CCSER1: variants seen among roughly 807,000 people sequenced by gnomAD.
CCSER1 encodes coiled-coil serine rich protein 1, also known as serine-rich coiled-coil domain-containing protein 1.
In CCSER1, 41 loss-of-function variants were observed where a neutral mutation model predicts 82.0. The observed-to-expected ratio is 0.50, with a 90% CI of 0.39 to 0.65. The LOEUF is 0.65. Ranked by LOEUF, CCSER1 falls within the 30% of genes least tolerant of loss-of-function variation. The pLI is 0.00. For synonymous variants in CCSER1, 414 were observed against 383.9 expected, an observed-to-expected ratio of 1.08 and a Z score of -0.92; for missense variants, 1,119 against 1,064.2, an observed-to-expected ratio of 1.05 and a Z score of -0.72.
intron 10 of CCSER1, among the ~76,000 whole-genome samples, chr4:91,100,609 C>T (rs1724964654): frequency 6.6e-6 from 1 of 152,098 alleles, no homozygotes; most frequent in Admixed American, 6.5e-5. Flanking sequence ...CTTTATTTAA[C>T]CTCAAATATT....
chr4:91,563,584 T>C (rs949952550), intron 10 of CCSER1, among the ~76,000 whole-genome samples: 1 of 151,918 alleles, frequency 6.6e-6, no homozygotes, highest in East Asian at 1.9e-4. Context: ...ATCCCACAGT[T>C]AACATAATAC....
chr4:90,310,678 C>T (rs1735136954), intron 2 of CCSER1, among the ~76,000 whole-genome samples: 1 of 152,046 alleles, frequency 6.6e-6, no homozygotes, highest in Non-Finnish European at 1.5e-5. Flanking sequence ...AATCATACAG[C>T]TGGTAAGTAG....
At chr4:90,248,320 G>C (rs1170126143) in intron 1 of CCSER1, among the ~76,000 whole-genome samples, 2 of 152,190 alleles carry the variant, frequency 1.3e-5, no homozygotes, top group African/African-American at 4.8e-5. Context: ...ATGATGAAAA[G>C]CTGGACATAA....
rs11726364 is a variant in CCSER1, at chr4:90,672,354, G to T, written c.1932+44122G>T. Among the ~76,000 whole-genome samples the T allele has an allele frequency of 6.3e-4, 95 of 151,862 alleles. 1 individual carries two copies. Among genetic ancestry groups the T allele is most frequent in the Non-Finnish European group, 1.2e-3 (80 of 67,850 alleles). On this transcript the variant is annotated intron_variant, in intron 6 of 10. Transcript: ENST00000509176. ...GCTTCACCTTTCACTTTTATGTTAT[G>T]GCTTCTTTCCTTAAACATCATGAAT... is the stretch of plus-strand genomic sequence containing the variant.
At chr4:90,935,218 G>A (rs1199491991) in intron 9 of CCSER1, among the ~76,000 whole-genome samples, 1 of 152,016 alleles carries the variant, frequency 6.6e-6, no homozygotes, top group Admixed American at 6.6e-5. Flanking sequence ...ATGGGAGAAT[G>A]GGGGGTGTTT....
At chr4:90,536,839 A>G (rs1775443368) in intron 5 of CCSER1, among the ~76,000 whole-genome samples, 1 of 152,212 alleles carries the variant, frequency 6.6e-6, no homozygotes, top group Non-Finnish European at 1.5e-5. Flanking sequence ...AATGAAACTC[A>G]TTTGAGGTAT....
At chr4:91,021,721 A>G (rs1308572289) in intron 9 of CCSER1, among the ~76,000 whole-genome samples, 3 of 152,184 alleles carry the variant, frequency 2.0e-5, no homozygotes, top group African/African-American at 7.2e-5. Flanking sequence ...ATGTACAGTA[A>G]ATTTCCTGTA....
intron 5 of CCSER1, 107 bp downstream of exon 5, chr4:90,468,461 A>G: frequency 9.9e-7 from 1 of 1,007,482 alleles, no homozygotes; most frequent in Non-Finnish European, 1.4e-6. Context: ...AGAAAGAAGA[A>G]ATAAATTTTA....
intron 9 of CCSER1, among the ~76,000 whole-genome samples, chr4:91,072,039 G>A (rs1721491810): frequency 6.6e-6 from 1 of 152,126 alleles, no homozygotes. Context: ...ACTCAGGTAT[G>A]AGCATCAGAC....
chr4:91,380,609 C>T (rs908693582), intron 10 of CCSER1, among the ~76,000 whole-genome samples: 2 of 152,146 alleles, frequency 1.3e-5, no homozygotes, highest in Non-Finnish European at 2.9e-5. Flanking sequence ...GTACATCTTC[C>T]TCCTTCCCTT....
chr4:90,393,772 CTT>C (rs997027362), intron 3 of CCSER1, among the ~76,000 whole-genome samples: 4 of 111,356 alleles, frequency 3.6e-5, no homozygotes, highest in Non-Finnish European at 5.3e-5. Context: ...TTATATCTTC[CTT>C]TTTTTTTTTT....
chr4:90,983,494 G>A (rs1736308084), intron 9 of CCSER1, among the ~76,000 whole-genome samples: 1 of 151,358 alleles, frequency 6.6e-6, no homozygotes, highest in African/African-American at 2.4e-5. Flanking sequence ...AATCTTTCGT[G>A]GACTCTCTCC....
intron 10 of CCSER1, among the ~76,000 whole-genome samples, chr4:91,452,525 T>C (rs771667364): frequency 6.6e-6 from 1 of 152,034 alleles, no homozygotes; most frequent in Non-Finnish European, 1.5e-5. Flanking sequence ...AATCTAAATG[T>C]ATGTCTTTGT....
intron 4 of CCSER1, among the ~76,000 whole-genome samples, chr4:90,442,169 G>C (rs1759981644): frequency 6.6e-6 from 1 of 151,936 alleles, no homozygotes; most frequent in Non-Finnish European, 1.5e-5. Context: ...ACAACGAGGG[G>C]GGTCATCATT....
chr4:90,967,524 C>T (rs965154983), intron 9 of CCSER1, among the ~76,000 whole-genome samples: 16 of 152,056 alleles, frequency 1.1e-4, no homozygotes, highest in Admixed American at 3.9e-4. Context: ...AGAAGTTGGA[C>T]ACCTACCTCA....
intron 10 of CCSER1, among the ~76,000 whole-genome samples, chr4:91,441,019 A>C (rs1321347968): frequency 6.6e-6 from 1 of 152,068 alleles, no homozygotes; most frequent in African/African-American, 2.4e-5. Flanking sequence ...AGATGGATTC[A>C]CAGCCGAATT....
chr4:90,295,257 T>C (rs1731651719), intron 1 of CCSER1, among the ~76,000 whole-genome samples: 1 of 152,072 alleles, frequency 6.6e-6, no homozygotes, highest in Non-Finnish European at 1.5e-5. Context: ...ATAAATAATT[T>C]TAATTTTTAA....
At chr4:90,407,974 A>G (rs1578319231) in intron 4 of CCSER1, among the ~76,000 whole-genome samples, 1 of 152,324 alleles carries the variant, frequency 6.6e-6, no homozygotes, top group South Asian at 2.1e-4. Context: ...CAAACGGCAC[A>G]CCAGGAGATT....
chr4:90,596,269 A>G (rs1253031363), intron 5 of CCSER1, among the ~76,000 whole-genome samples: 2 of 151,964 alleles, frequency 1.3e-5, no homozygotes, highest in Non-Finnish European at 2.9e-5. Flanking sequence ...CAAATTATTT[A>G]TGATCATTTA....
Sources: gnomAD v4.1 joint callset for allele counts (sites outside exome capture counted in the v4.1 genomes callset) on GRCh38, gnomAD v4.1.1 for gene constraint, MANE v1.5 for transcripts, NCBI Gene and HGNC (gene_info 2026-07-23, HGNC 2026-07-21) for gene names.